The following BIRC6 variants were observed in gnomAD, a reference collection of about 807,000 sequenced individuals.
BIRC6 encodes dual E2 ubiquitin-conjugating enzyme/E3 ubiquitin-protein ligase BIRC6.
A neutral mutation model predicts 503.3 loss-of-function variants in BIRC6; 98 were observed. That is an observed-to-expected ratio of 0.19 (90% CI 0.17 to 0.23). The LOEUF (loss-of-function observed/expected upper bound fraction) is 0.23. Among genes scored for constraint, BIRC6 ranks in the 10% least tolerant of loss-of-function variants. The pLI, the probability that BIRC6 is intolerant of heterozygous loss-of-function variation, is 1.00. For synonymous variants in BIRC6, 2,240 were observed against 2,078.7 expected (o/e 1.08, Z -2.11); for missense variants, 5,360 against 5,806.0 (o/e 0.92, Z 2.50).
chr2:32,392,803 A>G (rs1573889228), intron 5 of BIRC6, among the ~76,000 whole-genome samples: 3 of 145,898 alleles, frequency 2.1e-5, no homozygotes, highest in Non-Finnish European at 4.5e-5. Flanking sequence ...TTTTGCACCA[A>G]CCTAATTTTT....
chr2:32,477,925 TTTTAA>T (rs1396263572), intron 35 of BIRC6, among the ~76,000 whole-genome samples: 1 of 152,190 alleles, frequency 6.6e-6, no homozygotes, highest in Non-Finnish European at 1.5e-5. Context: ...CTGATTTATA[TTTTAA>T]TTTATTTAAA....
At chr2:32,602,753 A>C (rs565482180) in intron 70 of BIRC6, 49 of 394,128 alleles carry the variant, frequency 1.2e-4, no homozygotes, top group Admixed American at 8.2e-4. Flanking sequence ...GTTTTCATTA[A>C]AATGTTATTT....
chr2:32,401,320 C>A lies in BIRC6; in HGVS notation c.1192C>A (p.His398Asn). The A allele has an allele frequency of 6.2e-7, 1 of 1,614,012 alleles. No homozygotes were observed. The highest frequency in any genetic ancestry group is 1.3e-5 in the African/African-American group (1 of 75,030). Reference protein sequence around the residue: ...ISCFGSGSCPHFLAAATKRGK... With the variant: ...ISCFGSGSCPNFLAAATKRGK... Reference sequence around the variant, plus strand: ...TTGCTTTGGGTCGGGGAGCTGCCCTCATTTTCTAGCTGCTGCAACTAAACG... The same window carrying A: ...TTGCTTTGGGTCGGGGAGCTGCCCTAATTTTCTAGCTGCTGCAACTAAACG... Residue 398 changes from histidine to asparagine, a missense_variant, in exon 7 of 74, where the codon CAT (histidine) becomes AAT (asparagine). This residue lies in a region of BIRC6 where 92 missense variants were observed against 176.7 expected (regional missense o/e 0.52). Coordinates refer to ENST00000421745, the MANE Select transcript of BIRC6 (RefSeq NM_016252.4).
chr2:32,520,218 A>G (rs535949431), intron 57 of BIRC6, among the ~76,000 whole-genome samples: 2 of 152,358 alleles, frequency 1.3e-5, no homozygotes, highest in Non-Finnish European at 2.9e-5. Flanking sequence ...AGTTGTTACC[A>G]CACATAGATG....
At chr2:32,473,678 C>G (rs1376277576) in intron 33 of BIRC6, among the ~76,000 whole-genome samples, 4 of 103,678 alleles carry the variant, frequency 3.9e-5, no homozygotes, top group Non-Finnish European at 8.3e-5. Context: ...ATTTTGGTTT[C>G]TTTTTCCATG....
Position 32,357,228 on chromosome 2 carries a change from CTGAG to C in BIRC6, c.68_71del (p.Leu23ProfsTer92). On this transcript the variant is annotated frameshift_variant, in exon 1 of 74. Coordinates refer to ENST00000421745, the MANE Select transcript of BIRC6 (RefSeq NM_016252.4). LOFTEE classifies it high-confidence loss of function. The surrounding 1 kb of genome is among the most constrained non-coding windows in gnomAD (Gnocchi z 4.9). Reference sequence around the variant, plus strand: ...TGAGCCGCTTCCCAGTGTGATTGTGCTGAGCGCAGGCCGGAAGATGGCGGCTGCG... The same window carrying C: ...TGAGCCGCTTCCCAGTGTGATTGTGCCGCAGGCCGGAAGATGGCGGCTGCG... 6.5e-7 allele frequency: 1 copy of C among 1,530,916 alleles called. No homozygotes were observed. The highest frequency in any genetic ancestry group is 1.2e-5 in the South Asian group (1 of 82,350). 94.8% of individuals were successfully genotyped at this position (1,530,916 alleles called of 1,614,324 possible). A position where few individuals can be genotyped will look rare whatever the true frequency, so the allele number is the denominator to read the frequency against.
At chr2:32,593,787 C>A (rs2061521413) in intron 66 of BIRC6, 128 bp from the exon 67 acceptor site, 1 of 763,992 alleles carries the variant, frequency 1.3e-6, no homozygotes, top group Non-Finnish European at 2.0e-6. Context: ...GCTTCAAAAG[C>A]AAGTTAATAT....
chr2:32,401,586 T>C lies in BIRC6; in HGVS notation c.1381T>C (p.Ser461Pro), dbSNP rs1216596355. The change falls in exon 8 of 74, where the codon TCT becomes CCT. Residue 461 changes from serine to proline, a missense_variant. This residue lies in a region of BIRC6 where 700 missense variants were observed against 739.3 expected (regional missense o/e 0.95). Transcript: ENST00000421745. ...AACTTTGGCGTGGCTGGAGGACTCC[T>C]CTAGTTGCTCAGATATACCAAAATT... Reference protein sequence around the residue: ...RPTLAWLEDSSSCSDIPKLEG... With the variant: ...RPTLAWLEDSPSCSDIPKLEG... 4 of 1,613,848 alleles carry C rather than the reference T, an allele frequency of 2.5e-6. No homozygotes were observed. Among genetic ancestry groups the C allele is most frequent in the Non-Finnish European group, 3.4e-6 (4 of 1,179,888 alleles).
intron 15 of BIRC6, among the ~76,000 whole-genome samples, chr2:32,436,570 G>A (rs373728068): frequency 2.0e-5 from 3 of 152,054 alleles, no homozygotes; most frequent in East Asian, 3.9e-4. Flanking sequence ...CCTTAAAAGA[G>A]GTATTTTGTT....
At chr2:32,362,655 C>T (rs1429443478) in intron 1 of BIRC6, among the ~76,000 whole-genome samples, 1 of 152,096 alleles carries the variant, frequency 6.6e-6, no homozygotes, top group Non-Finnish European at 1.5e-5. Context: ...CTACACACCA[C>T]TTGACCATAC....
Position 32,505,180 on chromosome 2 carries a change from C to A in BIRC6, c.9675C>A (p.Ile3225=). The A allele has an allele frequency of 6.3e-7, 1 of 1,579,372 alleles. No homozygotes were observed. The highest frequency in any genetic ancestry group is 1.7e-4 in the Middle Eastern group (1 of 5,984). Residue 3225 remains isoleucine (I), a synonymous_variant, in exon 50 of 74, where the codon ATC becomes ATA. Coordinates refer to ENST00000421745, the MANE Select transcript of BIRC6 (RefSeq NM_016252.4). ...CAGTGCTGCTTAAGGAGATACATAT[C>A]CAGCCTCATCTTGCATCTCTTGCAA... ...PAAVLLKEIH[I]QPHLASLATC... is the part of the protein sequence containing the mutation.
intron 44 of BIRC6, among the ~76,000 whole-genome samples, chr2:32,491,903 T>G (rs889882032): frequency 6.6e-6 from 1 of 152,136 alleles, no homozygotes; most frequent in African/African-American, 2.4e-5. Flanking sequence ...TTTGATTACT[T>G]CTACTATCAA....
intron 39 of BIRC6, among the ~76,000 whole-genome samples, chr2:32,483,883 ACTT>A (rs2050691816): frequency 6.6e-6 from 1 of 152,188 alleles, no homozygotes; most frequent in East Asian, 1.9e-4. Context: ...AAGTTTAACC[ACTT>A]GATGAATGAG....
At chr2:32,440,348 A>G (rs1368304742) in intron 16 of BIRC6, among the ~76,000 whole-genome samples, 2 of 152,084 alleles carry the variant, frequency 1.3e-5, no homozygotes, top group Admixed American at 1.3e-4. Flanking sequence ...GTTTTTGGTG[A>G]CTATTTGGGA....
At chr2:32,405,322 T>A (rs1016929949) in intron 8 of BIRC6, among the ~76,000 whole-genome samples, 1 of 152,246 alleles carries the variant, frequency 6.6e-6, no homozygotes, top group Non-Finnish European at 1.5e-5. Context: ...TTTTTTGCTT[T>A]TGTAAATTAC....
rs143584534 is a variant in BIRC6 at position 32,613,160 on chromosome 2, T to G, written c.14394+1578T>G. Among the ~76,000 whole-genome samples the G allele has an allele frequency of 2.3e-3, 348 of 151,782 alleles. 2 individuals are homozygous for G. Among genetic ancestry groups the G allele is most frequent in the Middle Eastern group, 6.8e-3 (2 of 294 alleles). On this transcript the variant is annotated intron_variant, in intron 73 of 73. Transcript: ENST00000421745. ...CTCCATTCATATTTCAGCTTAAATT[T>G]CACTTCATGGAACCCTGCCTTGACT...
At chr2:32,493,746 T>C (rs1350968858) in intron 45 of BIRC6, 79 bp downstream of exon 45, 1 of 1,216,832 alleles carries the variant, frequency 8.2e-7, no homozygotes, top group Non-Finnish European at 1.1e-6. Context: ...TTAACATTTG[T>C]TGGGAATTTA....
chr2:32,479,624 T>A lies in BIRC6; in HGVS notation c.7408+7T>A. On this transcript the variant is annotated splice_region_variant and intron_variant, in intron 37 of 73. Transcript: ENST00000421745. ...TTGACACATGACATAACAGGTAAAGTTTTACATTATGTTTCTTCTTTATTC... is the reference window on the plus strand; with the variant it reads ...TTGACACATGACATAACAGGTAAAGATTTACATTATGTTTCTTCTTTATTC... 1 of 1,580,430 alleles carries A rather than the reference T, an allele frequency of 6.3e-7. No homozygotes were observed. Among genetic ancestry groups the A allele is most frequent in the Non-Finnish European group, 8.7e-7 (1 of 1,155,988 alleles).
At chr2:32,614,023 A>G (rs2063070359) in intron 73 of BIRC6, among the ~76,000 whole-genome samples, 1 of 152,184 alleles carries the variant, frequency 6.6e-6, no homozygotes, top group African/African-American at 2.4e-5. Context: ...CATTTTTTAC[A>G]TAGATACCCT....
Sources: allele counts gnomAD v4.1 joint callset (sites outside exome capture counted in the v4.1 genomes callset), GRCh38; gene constraint gnomAD v4.1.1; regional missense constraint gnomAD v4.1.1; non-coding constraint Gnocchi (gnomAD v3.1); transcripts MANE v1.5; gene names NCBI Gene and HGNC (gene_info 2026-07-23, HGNC 2026-07-21).